The following TMEM120A variants were observed in gnomAD, a reference collection of about 807,000 sequenced individuals.
TMEM120A encodes the protein ion channel TACAN.
Under a neutral mutation model 54.3 loss-of-function variants are expected in TMEM120A, and 45 were observed. The observed-to-expected ratio is 0.83, with a 90% CI of 0.65 to 1.06. The LOEUF is 1.06. TMEM120A is among the 50% of genes least tolerant of loss of function. TMEM120A has a pLI of 0.00. For synonymous variants in TMEM120A, 204 were observed against 178.5 expected (o/e 1.14, Z -1.14); for missense variants, 424 against 441.7 (o/e 0.96, Z 0.36).
In TMEM120A at chr7:75,994,478, A is replaced by G. The variant is rs1554562720; in HGVS notation, c.81+12T>C. On this transcript the variant is annotated intron_variant, in intron 1 of 11. Transcript: ENST00000493111. Reference sequence around the variant, plus strand: ...GGCTCGGGGGCGACCCGGCGTCCGCAGCGGCGCTAACCTGGATGTTCTGGA... The same window carrying G: ...GGCTCGGGGGCGACCCGGCGTCCGCGGCGGCGCTAACCTGGATGTTCTGGA... The G allele has an allele frequency of 8.4e-6, 13 of 1,556,074 alleles. No homozygotes were observed. The highest frequency in any genetic ancestry group is 1.1e-5 in the Non-Finnish European group (13 of 1,150,676).
In TMEM120A at chr7:75,986,898, A is replaced by C; in HGVS notation, c.*274T>G. 2 of 584,562 alleles carry C rather than the reference A, an allele frequency of 3.4e-6. No homozygotes were observed. Among genetic ancestry groups the C allele is most frequent in the South Asian group, 2.2e-5 (1 of 45,128 alleles). 36.2% of individuals were successfully genotyped at this position (584,562 alleles called of 1,614,324 possible). A position where few individuals can be genotyped will look rare whatever the true frequency, so the allele number is the denominator to read the frequency against. ...GAGTAGATCTGGGACCTCCACCTGC[A>C]TCAACTTAACTAACTCAGACCCCAG... On this transcript the variant is annotated 3_prime_UTR_variant, in exon 12 of 12. Transcript: ENST00000493111.
At position 75,988,257 on chromosome 7, in the gene TMEM120A, G is replaced by A. The variant is rs374822194; in HGVS notation, c.558C>T (p.Gly186=). 2.3e-5 allele frequency: 37 copies of A among 1,612,020 alleles called. No homozygotes were observed. Among genetic ancestry groups the A allele is most frequent in the Non-Finnish European group, 3.1e-5 (36 of 1,179,886 alleles). The stretch of plus-strand genomic sequence containing the variant: ...TCAGGGCCCGCCCTGCCCACCGGGA[G>A]CCGTTGTTGATGAGGATGCTCTCCC... ...TIRESILINN[G]SRIKGWWVFH... Residue 186 remains glycine, a synonymous_variant, in exon 6 of 12, where the codon GGC becomes GGT. Transcript: ENST00000493111.
rs1563444564 is a variant in TMEM120A, at chr7:75,992,288, G to T, written c.201-28C>A. ...GCGGGTAAGGCCAGAAACAGTCAGG[G>T]CAAGAGGACTCCCAAGTGTCCTCCC... On this transcript the variant is annotated intron_variant, in intron 2 of 11. Transcript: ENST00000493111. The T allele has an allele frequency of 2.5e-6, 4 of 1,582,856 alleles. No homozygotes were observed. In the South Asian group the frequency reaches 3.4e-5, roughly 13 times the overall value.
In TMEM120A at chr7:75,992,290, A is replaced by T. The variant is rs1554562009; in HGVS notation, c.201-30T>A. 1.9e-6 allele frequency: 3 copies of T among 1,582,140 alleles called. No homozygotes were observed. The African/African-American group carries it at 4.0e-5, about 21-fold the overall frequency. On this transcript the variant is annotated intron_variant, in intron 2 of 11. Coordinates refer to ENST00000493111, the MANE Select transcript of TMEM120A (RefSeq NM_031925.3). ...GGGTAAGGCCAGAAACAGTCAGGGC[A>T]AGAGGACTCCCAAGTGTCCTCCCTG...
chr7:75,992,258 C>T lies in TMEM120A; in HGVS notation c.203G>A (p.Cys68Tyr), dbSNP rs1473625652. 4 of 1,603,932 alleles carry T rather than the reference C, an allele frequency of 2.5e-6. No individual in the cohort carries two copies. Among genetic ancestry groups the T allele is most frequent in the Non-Finnish European group, 3.4e-6 (4 of 1,175,266 alleles). ...GGCCTCTGCTGGGAGGGAGGGTTTG[C>T]ATCTGCGGGTAAGGCCAGAAACAGT... is the stretch of plus-strand genomic sequence containing the variant. ...LQELALALKKCKPSLPAEAEG... is the reference protein window; with the variant it reads ...LQELALALKKYKPSLPAEAEG... Residue 68 changes from cysteine (C) to tyrosine (Y), a missense_variant and splice_region_variant, in exon 3 of 12, where the codon TGC (cysteine) becomes TAC (tyrosine). Physicochemically the swap from Cys to Tyr is radical, Grantham distance 194. Transcript: ENST00000493111.
intron 3 of TMEM120A, among the ~76,000 whole-genome samples, chr7:75,991,451 G>A (rs1330162074): frequency 6.6e-6 from 1 of 152,026 alleles, no homozygotes; most frequent in Non-Finnish European, 1.5e-5. Context: ...TGTTGCCCAG[G>A]CTACAGTCCG....
At chr7:75,992,034 C>A in intron 3 of TMEM120A, 110 bp downstream of exon 3, 1 of 745,988 alleles carries the variant, frequency 1.3e-6, no homozygotes, top group South Asian at 1.9e-5. Flanking sequence ...CATTGCTCAG[C>A]CTGTACTGGG....
At chr7:75,990,587 TAA>T (rs1789802801) in intron 3 of TMEM120A, among the ~76,000 whole-genome samples, 1 of 152,040 alleles carries the variant, frequency 6.6e-6, no homozygotes, top group African/African-American at 2.4e-5. Flanking sequence ...AGCCAAGCTC[TAA>T]AAAGTCTCCC....
chr7:75,992,117 GCTGGGGGTGGC>G lies in TMEM120A; in HGVS notation c.317+16_317+26del. 1 of 1,525,696 alleles carries G rather than the reference GCTGGGGGTGGC, an allele frequency of 6.6e-7. No homozygotes were observed. The highest frequency in any genetic ancestry group is 9.0e-7 in the Non-Finnish European group (1 of 1,116,078). The allele number at this position is 1,525,696 out of a possible 1,614,324, so 94.5% of individuals were successfully genotyped here. On this transcript the variant is annotated intron_variant, in intron 3 of 11. Coordinates refer to ENST00000493111, the MANE Select transcript of TMEM120A (RefSeq NM_031925.3). ...GGCTTCAGGAGTGGCTGTGAACTGAGCTGGGGGTGGCGGTGGGGGCCCTCACCCATTCTTCT... is the reference window on the plus strand; with the variant it reads ...GGCTTCAGGAGTGGCTGTGAACTGAGGGTGGGGGCCCTCACCCATTCTTCT...
At chr7:75,987,496 G>A (rs782705161) in intron 10 of TMEM120A, 42 bp downstream of exon 10, 6 of 1,422,720 alleles carry the variant, frequency 4.2e-6, no homozygotes, top group Non-Finnish European at 5.5e-6. Flanking sequence ...CGGCGCAGAG[G>A]ACGGACAGAC....
intron 3 of TMEM120A, among the ~76,000 whole-genome samples, chr7:75,989,996 T>C (rs1361582619): frequency 1.3e-5 from 2 of 152,102 alleles, no homozygotes; most frequent in Admixed American, 6.5e-5. Context: ...GGGCTCTTGT[T>C]CACACTCAAG....
intron 3 of TMEM120A, among the ~76,000 whole-genome samples, chr7:75,989,788 C>A (rs756496826): frequency 1.3e-5 from 2 of 152,070 alleles, no homozygotes; most frequent in Admixed American, 6.6e-5. Context: ...GAGGCCCCCA[C>A]GCTCTCCAGT....
At position 75,987,224 on chromosome 7, in the gene TMEM120A, C is replaced by G. The variant is rs1554559927; in HGVS notation, c.980G>C (p.Arg327Thr). 1.9e-6 allele frequency: 3 copies of G among 1,609,182 alleles called. No individual in the cohort carries two copies. The highest frequency in any genetic ancestry group is 1.7e-6 in the Non-Finnish European group (2 of 1,178,362). Reference sequence around the variant, plus strand: ...ACTGTGAAACTTGTGGTGCACAACCCTCAGGGTGGTGAAGAAATTGCCGAG... The same window carrying G: ...ACTGTGAAACTTGTGGTGCACAACCGTCAGGGTGGTGAAGAAATTGCCGAG... ...LFLGNFFTTL[R>T]VVHHKFHSQR... The change falls in exon 12 of 12, where the codon AGG becomes ACG. Residue 327 changes from arginine to threonine, a missense_variant. By Grantham distance (71) the Arg-to-Thr change is moderately conservative. Transcript: ENST00000493111.
chr7:75,992,343 G>C (rs2286826), intron 2 of TMEM120A, 83 bp from the exon 3 acceptor site: 1,531,399 of 1,550,128 alleles, frequency 0.99, 757,128 homozygotes, highest in Non-Finnish European at 1. Flanking sequence ...AGGGCAAACA[G>C]GGCCCAGAGA....
intron 8 of TMEM120A, 24 bp from the exon 9 acceptor site, chr7:75,987,834 A>G (rs1789596972): frequency 6.2e-7 from 1 of 1,607,254 alleles, no homozygotes; most frequent in African/African-American, 1.3e-5. Flanking sequence ...AGGACAGAGG[A>G]GCAGGGCTGA....
At position 75,992,573 on chromosome 7, in the gene TMEM120A, G is replaced by T. The variant is rs1471997861; in HGVS notation, c.82-16C>A. The T allele has an allele frequency of 6.5e-7, 1 of 1,543,832 alleles. No individual in the cohort carries two copies. The highest frequency in any genetic ancestry group is 1.9e-5 in the Admixed American group (1 of 51,912). ...GATGGGTCTCCTGGGGGCCGGAGGG[G>T]AGAGGCTCAGGCCAGTTGGGGAGCT... On this transcript the variant is annotated splice_polypyrimidine_tract_variant and intron_variant, in intron 1 of 11. Coordinates refer to ENST00000493111, the MANE Select transcript of TMEM120A (RefSeq NM_031925.3).
Position 75,988,340 on chromosome 7 carries a change from C to T in TMEM120A, c.475G>A (p.Val159Met), listed in dbSNP as rs781942050. Residue 159 changes from valine to methionine, a missense_variant and splice_region_variant, in exon 6 of 12, where the codon GTG (valine) becomes ATG (methionine). Transcript: ENST00000493111. ...FTCRFLLNSR[V>M]TDAAFNFLLV... ...AGGAAGTTGAAGGCAGCATCTGTCA[C>T]CCTGCGGAGGGAGGGGACCGAGGGT... The T allele has an allele frequency of 3.4e-5, 54 of 1,611,912 alleles. No individual in the cohort carries two copies. Among genetic ancestry groups the T allele is most frequent in the Admixed American group, 6.7e-5 (4 of 59,964 alleles).
intron 3 of TMEM120A, among the ~76,000 whole-genome samples, chr7:75,989,629 G>C (rs1789757769): frequency 6.6e-6 from 1 of 151,620 alleles, no homozygotes; most frequent in South Asian, 2.1e-4. Context: ...TGCAGTACTA[G>C]GTTCCACTTC....
chr7:75,991,346 C>T (rs1267770633), intron 3 of TMEM120A, among the ~76,000 whole-genome samples: 10 of 152,130 alleles, frequency 6.6e-5, no homozygotes, highest in Admixed American at 6.6e-4. Context: ...TCTCATGGCC[C>T]GTCCACCTGC....
Sources: allele counts gnomAD v4.1 joint callset (sites outside exome capture counted in the v4.1 genomes callset), GRCh38; gene constraint gnomAD v4.1.1; transcripts MANE v1.5; gene names NCBI Gene and HGNC (gene_info 2026-07-23, HGNC 2026-07-21).